BPIFC: variants seen among roughly 807,000 people sequenced by gnomAD.
BPIFC encodes the protein BPI fold containing family C.
In BPIFC, 60 loss-of-function variants were observed where a neutral mutation model predicts 57.6. The ratio of observed to expected loss-of-function variants is 1.04; its 90% CI spans 0.85 to 1.29. The LOEUF (loss-of-function observed/expected upper bound fraction) is 1.29. BPIFC is among the 50% of genes most tolerant of loss of function. The pLI is 0.00. For missense variants in BPIFC, 581 were observed against 600.5 expected, an observed-to-expected ratio of 0.97 and a Z score of 0.34; for synonymous variants, 243 against 224.5, an observed-to-expected ratio of 1.08 and a Z score of -0.74.
rs1792192479 is a variant in BPIFC at position 32,422,365 on chromosome 22, G to A, written c.1218-2961C>T. 2.6e-5 allele frequency among the ~76,000 whole-genome samples: 4 copies of A among 152,250 alleles called. No homozygotes were observed. In the South Asian group the frequency reaches 8.3e-4, roughly 32 times the overall value. On this transcript the variant is annotated intron_variant, in intron 13 of 16. Coordinates refer to ENST00000300399, the MANE Select transcript of BPIFC (RefSeq NM_174932.3). ...AACACAAAGCAAGGTATACTCAGGTGCTTCTTCATGGGTTTACACACCATA... is the reference window on the plus strand; with the variant it reads ...AACACAAAGCAAGGTATACTCAGGTACTTCTTCATGGGTTTACACACCATA...
intron 10 of BPIFC, 72 bp downstream of exon 10, chr22:32,435,632 G>T: frequency 3.4e-6 from 5 of 1,482,452 alleles, no homozygotes; most frequent in Non-Finnish European, 4.5e-6. Flanking sequence ...TGGCATAAAA[G>T]TTCTACAATA....
intron 14 of BPIFC, among the ~76,000 whole-genome samples, chr22:32,417,789 G>C (rs16990428): frequency 6.6e-6 from 1 of 151,990 alleles, no homozygotes; most frequent in Non-Finnish European, 1.5e-5. Flanking sequence ...TGGGAATCTC[G>C]GCCACAGGAG....
At position 32,441,552 on chromosome 22, in the gene BPIFC, G is replaced by A. The variant is rs141956649; in HGVS notation, c.655+1119C>T. 5.1e-4 allele frequency among the ~76,000 whole-genome samples: 77 copies of A among 152,290 alleles called. 2 individuals are homozygous for A. In the East Asian group the frequency reaches 0.015, roughly 29 times the overall value. ...GAGAGAGAGATGTCCAAAGTGTCAT[G>A]TGAGCACAGAGGAGGCATAACTTTA... On this transcript the variant is annotated intron_variant, in intron 8 of 16. Coordinates refer to ENST00000300399, the MANE Select transcript of BPIFC (RefSeq NM_174932.3).
intron 10 of BPIFC, among the ~76,000 whole-genome samples, chr22:32,434,418 A>G (rs940543025): frequency 6.7e-6 from 1 of 149,072 alleles, no homozygotes; most frequent in Non-Finnish European, 1.5e-5. Flanking sequence ...TTCTTTATAT[A>G]TATTACAATC....
intron 2 of BPIFC, among the ~76,000 whole-genome samples, chr22:32,458,686 T>C (rs189010079): frequency 1.3e-4 from 20 of 152,348 alleles, no homozygotes; most frequent in African/African-American, 4.8e-4. Flanking sequence ...GGGCCATGTG[T>C]GCCTTATGGG....
At chr22:32,422,504 C>A (rs533755583) in intron 13 of BPIFC, among the ~76,000 whole-genome samples, 1 of 151,980 alleles carries the variant, frequency 6.6e-6, no homozygotes, top group African/African-American at 2.4e-5. Context: ...GTCAGGAGTT[C>A]GAGACCAGCC....
intron 4 of BPIFC, among the ~76,000 whole-genome samples, chr22:32,449,978 C>T (rs957293499): frequency 6.6e-5 from 10 of 151,752 alleles, no homozygotes; most frequent in Non-Finnish European, 1.2e-4. Context: ...TTCTGATCCA[C>T]CCACCTTGGC....
At chr22:32,432,311 A>G in intron 12 of BPIFC, 62 bp downstream of exon 12, 2 of 1,564,184 alleles carry the variant, frequency 1.3e-6, no homozygotes, top group Non-Finnish European at 1.7e-6. Flanking sequence ...CTGCTGGCCA[A>G]CAGTCCACAG....
intron 8 of BPIFC, among the ~76,000 whole-genome samples, chr22:32,441,617 T>G (rs1193281806): frequency 2.6e-5 from 4 of 152,130 alleles, no homozygotes; most frequent in African/African-American, 9.7e-5. Flanking sequence ...TGGAAGAGGC[T>G]ATGTCTGAGC....
intron 4 of BPIFC, among the ~76,000 whole-genome samples, chr22:32,452,237 T>C (rs1292113243): frequency 6.6e-6 from 1 of 152,212 alleles, no homozygotes; most frequent in Non-Finnish European, 1.5e-5. Flanking sequence ...GCTTGATATG[T>C]AGCAGGTGCT....
chr22:32,428,853 C>T (rs1186779694), intron 13 of BPIFC, among the ~76,000 whole-genome samples: 1 of 151,884 alleles, frequency 6.6e-6, no homozygotes, highest in Non-Finnish European at 1.5e-5. Flanking sequence ...GAGCCGAGAT[C>T]GCACCCCTGC....
At chr22:32,417,046 C>T (rs1248126728) in intron 15 of BPIFC, 39 bp downstream of exon 15, 2 of 1,485,758 alleles carry the variant, frequency 1.3e-6, no homozygotes, top group African/African-American at 2.8e-5. Flanking sequence ...TAAATGTTAG[C>T]CGATGTTACA....
At chr22:32,420,835 G>C (rs5754078) in intron 13 of BPIFC, among the ~76,000 whole-genome samples, 1 of 152,086 alleles carries the variant, frequency 6.6e-6, no homozygotes, top group African/African-American at 2.4e-5. Context: ...GTAAAATTAC[G>C]ATATGTCCAT....
At position 32,447,303 on chromosome 22, in the gene BPIFC, A is replaced by G. The variant is rs756130685; in HGVS notation, c.283T>C (p.Leu95=). ...ATTCCCACTCCAGGCACAAAAGCCA[A>G]TGAGGTATTTGGAAATGAAAAGGCA... ...ISAFSFPNTS[L]AFVPGVGIKA... The change falls in exon 5 of 17, where the codon TTG becomes CTG. Residue 95 remains leucine, a synonymous_variant. Transcript: ENST00000300399. 9 of 1,614,036 alleles carry G rather than the reference A, an allele frequency of 5.6e-6. No homozygotes were observed. The East Asian group carries it at 8.9e-5, about 16-fold the overall frequency.
chr22:32,457,862 A>G (rs1419563627), intron 2 of BPIFC, among the ~76,000 whole-genome samples: 2 of 152,194 alleles, frequency 1.3e-5, no homozygotes, highest in African/African-American at 2.4e-5. Flanking sequence ...ATATGCGTCC[A>G]TTAGAACATC....
chr22:32,435,782 G>A lies in BPIFC; in HGVS notation c.846C>T (p.Ile282=), dbSNP rs200343121. 38 of 1,614,176 alleles carry A rather than the reference G, an allele frequency of 2.4e-5. No individual in the cohort carries two copies. In the South Asian group the frequency reaches 2.5e-4, roughly 11 times the overall value. The change falls in exon 10 of 17, where the codon ATC becomes ATT. Residue 282 remains isoleucine (I), a synonymous_variant. Transcript: ENST00000300399. ...ERSNSMLYIG[I]AEYFFKSASF... ...ACGCAGATTTAAAGAAATACTCGGC[G>A]ATTCCAATGTAGAGCATGGAGTTGC...
At chr22:32,445,820 C>T (rs1422384599) in intron 6 of BPIFC, 21 bp downstream of exon 6, 8 of 1,613,346 alleles carry the variant, frequency 5.0e-6, no homozygotes, top group Non-Finnish European at 6.8e-6. Context: ...AGCCACTGCC[C>T]AACCCAGGGC....
intron 13 of BPIFC, among the ~76,000 whole-genome samples, chr22:32,430,993 T>C (rs1469945884): frequency 6.6e-6 from 1 of 152,164 alleles, no homozygotes; most frequent in Admixed American, 6.5e-5. Flanking sequence ...TATTTTTATG[T>C]TACTATAATG....
intron 12 of BPIFC, 25 bp from the exon 13 acceptor site, chr22:32,431,439 A>ATTTATTTATTTATTTTATTTTATTTTT: frequency 7.4e-7 from 1 of 1,343,076 alleles, no homozygotes; most frequent in Non-Finnish European, 1.1e-6. Context: ...AGCATTTATT[A>ATTTATTTATTTATTTTATTTTATTTTT]TTAAGACGAG....
Sources: allele counts gnomAD v4.1 joint callset (sites outside exome capture counted in the v4.1 genomes callset), GRCh38; gene constraint gnomAD v4.1.1; transcripts MANE v1.5; gene names NCBI Gene and HGNC (gene_info 2026-07-23, HGNC 2026-07-21).